IPP: variants seen among roughly 807,000 people sequenced by gnomAD.
IPP encodes actin-binding protein IPP.
In IPP, 41 loss-of-function variants were observed where a neutral mutation model predicts 64.1. The observed-to-expected ratio is 0.64, with a 90% CI of 0.50 to 0.83. IPP has a LOEUF of 0.83. Ranked by LOEUF, IPP falls within the 40% of genes least tolerant of loss-of-function variation. The pLI, the probability that IPP is intolerant of heterozygous loss-of-function variation, is 0.00. For synonymous variants in IPP, 214 were observed against 235.2 expected, an observed-to-expected ratio of 0.91 and a Z score of 0.83; for missense variants, 649 against 703.0, an observed-to-expected ratio of 0.92 and a Z score of 0.87.
chr1:45,694,768 G>A, downstream of IPP: 10 of 323,168 alleles, frequency 3.1e-5, no homozygotes, highest in East Asian at 5.8e-5. Flanking sequence ...CATAATAGCT[G>A]GTCAAAATGA....
In IPP at chr1:45,746,246, C is replaced by A; in HGVS notation, c.166G>T (p.Ala56Ser). The A allele has an allele frequency of 6.2e-7, 1 of 1,614,176 alleles. No individual in the cohort carries two copies. The highest frequency in any genetic ancestry group is 8.5e-7 in the Non-Finnish European group (1 of 1,180,030). ...ESFKAHRLVL[A>S]ASSPYFAALF... ...GCTGCAAAGTAAGGACTGCTGGCAG[C>A]CAAAACCAGCCGATGAGCTTTAAAA... The change falls in exon 2 of 9, where the codon GCT (alanine) becomes TCT (serine). Residue 56 changes from alanine (A) to serine (S), a missense_variant. By Grantham distance (99) the Ala-to-Ser change is moderately conservative. Transcript: ENST00000396478.
At chr1:45,695,221 G>C (rs1262521192), downstream of IPP, among the ~76,000 whole-genome samples, 1 of 152,204 alleles carries the variant, frequency 6.6e-6, no homozygotes. Context: ...CCAGAGTGTA[G>C]TGGTGTGGTC....
intron 3 of IPP, among the ~76,000 whole-genome samples, chr1:45,735,466 CTTTTTTTTTTTTT>C (rs756979985): frequency 5.2e-5 from 3 of 57,950 alleles, no homozygotes. Flanking sequence ...TTTAATTTTG[CTTTTTTTTTTTTT>C]TTTTTTTTTT....
intron 8 of IPP, among the ~76,000 whole-genome samples, chr1:45,711,350 A>C (rs1645588622): frequency 6.6e-6 from 1 of 152,098 alleles, no homozygotes; most frequent in Non-Finnish European, 1.5e-5. Context: ...CAAAACAAAA[A>C]ACAAAAAAAA....
chr1:45,749,483 CTTGA>C (rs1646186602), intron 1 of IPP, among the ~76,000 whole-genome samples: 1 of 149,934 alleles, frequency 6.7e-6, no homozygotes, highest in South Asian at 2.1e-4. Flanking sequence ...GGGAGGATCG[CTTGA>C]TTTTTTGTTT....
chr1:45,744,629 A>C (rs1646110541), intron 2 of IPP, among the ~76,000 whole-genome samples: 1 of 152,128 alleles, frequency 6.6e-6, no homozygotes, highest in African/African-American at 2.4e-5. Context: ...TCACGAAGTC[A>C]AGAGATCGAG....
At chr1:45,747,957 G>C (rs1294554068) in intron 1 of IPP, among the ~76,000 whole-genome samples, 1 of 151,514 alleles carries the variant, frequency 6.6e-6, no homozygotes, top group Non-Finnish European at 1.5e-5. Flanking sequence ...AATGACAATG[G>C]GTAATAAGAC....
rs1230585659 is a variant in IPP at position 45,713,334 on chromosome 1, G to A, written c.1530+912C>T. On this transcript the variant is annotated intron_variant, in intron 8 of 8. Coordinates refer to ENST00000396478, the MANE Select transcript of IPP (RefSeq NM_005897.3). ...CCAGCACTTTGGGAGGCTGAGGCGG[G>A]CGGATCACCTGAGGTAGGGAGTTCG... 3.3e-5 allele frequency among the ~76,000 whole-genome samples: 5 copies of A among 152,252 alleles called. No homozygotes were observed. In the South Asian group the frequency reaches 1.0e-3, roughly 32 times the overall value.
intron 8 of IPP, among the ~76,000 whole-genome samples, chr1:45,709,062 A>G (rs376835392): frequency 2.0e-3 from 298 of 150,432 alleles, no homozygotes; most frequent in African/African-American, 6.9e-3. Context: ...AAGGAGAAAA[A>G]AAAGACAGTT....
intron 3 of IPP, among the ~76,000 whole-genome samples, chr1:45,739,409 C>CTT (rs531027721): frequency 3.4e-4 from 31 of 90,578 alleles, no homozygotes; most frequent in Middle Eastern, 7.2e-3. Context: ...AATTTTTTGC[C>CTT]TTTTTTTTTT....
At position 45,746,460 on chromosome 1, in the gene IPP, C is replaced by T. The variant is rs754288669; in HGVS notation, c.-49G>A. On this transcript the variant is annotated splice_region_variant and 5_prime_UTR_variant, in exon 2 of 9. Transcript: ENST00000396478. ...GACTGTTGCCCATAATCTGTTACTA[C>T]CCTGAAAAACAAAATACAAAGAGAT... 4 of 1,442,702 alleles carry T rather than the reference C, an allele frequency of 2.8e-6. No homozygotes were observed. The highest frequency in any genetic ancestry group is 3.8e-6 in the Non-Finnish European group (4 of 1,052,994). 89.4% of individuals were successfully genotyped at this position (1,442,702 alleles called of 1,614,324 possible). A position where few individuals can be genotyped will look rare whatever the true frequency, so the allele number is the denominator to read the frequency against.
intron 1 of IPP, among the ~76,000 whole-genome samples, chr1:45,747,130 G>A (rs916723568): frequency 6.6e-6 from 1 of 151,786 alleles, no homozygotes; most frequent in African/African-American, 2.4e-5. Context: ...GCGCGCGCGC[G>A]CGCTTCAGAG....
chr1:45,737,505 G>A (rs972462007), intron 3 of IPP, among the ~76,000 whole-genome samples: 11 of 144,630 alleles, frequency 7.6e-5, no homozygotes, highest in Non-Finnish European at 1.3e-4. Context: ...CTGCCACCCA[G>A]GCTAGAGTAC....
In IPP at chr1:45,714,334, G is replaced by A; in HGVS notation, c.1442C>T (p.Ala481Val). The A allele has an allele frequency of 1.2e-6, 2 of 1,613,818 alleles. No homozygotes were observed. The highest frequency in any genetic ancestry group is 1.7e-6 in the Non-Finnish European group (2 of 1,179,696). ...MGTRRAYLGV[A>V]ALNDCIYSVG... ...AGAATAGATGCAGTCATTGAGTGCA[G>A]CCACACCAAGATATGCTCTCCTGGT... is the stretch of plus-strand genomic sequence containing the variant. The change falls in exon 8 of 9, where the codon GCT (alanine) becomes GTT (valine). Residue 481 changes from alanine to valine, a missense_variant. Transcript: ENST00000396478.
chr1:45,729,895 T>C (rs1645883357), intron 3 of IPP, 126 bp from the exon 4 acceptor site: 1 of 612,750 alleles, frequency 1.6e-6, no homozygotes, highest in Non-Finnish European at 2.8e-6. Flanking sequence ...AACAATGGTG[T>C]TTGTTTCCTA....
chr1:45,707,190 G>A lies in IPP; in HGVS notation c.1531-7000C>T, dbSNP rs375934597. Among the ~76,000 whole-genome samples, 484 of 152,298 alleles carry A rather than the reference G, an allele frequency of 3.2e-3. 18 individuals are homozygous for A. In the South Asian group the frequency reaches 0.072, roughly 23 times the overall value. ...TGTAATCCCAGCACTTTCGGAGGCC[G>A]AGGCGGGTGGATCATGAGGTCAGGA... On this transcript the variant is annotated intron_variant, in intron 8 of 8. Coordinates refer to ENST00000396478, the MANE Select transcript of IPP (RefSeq NM_005897.3).
At chr1:45,746,046 A>C (rs1174131856) in intron 2 of IPP, 74 bp downstream of exon 2, 1 of 1,282,892 alleles carries the variant, frequency 7.8e-7, no homozygotes, top group African/African-American at 1.5e-5. Context: ...AAGTTAGATC[A>C]ATTTATATTT....
intron 8 of IPP, among the ~76,000 whole-genome samples, chr1:45,713,749 C>T (rs1249394725): frequency 3.9e-5 from 6 of 152,094 alleles, no homozygotes; most frequent in Admixed American, 1.3e-4. Flanking sequence ...ATTTATTATA[C>T]AGTCTCACTA....
rs189513618 is a variant in IPP at position 45,699,856 on chromosome 1, T to C, written c.*110A>G. The C allele has an allele frequency of 4.6e-5, 69 of 1,511,550 alleles. No individual in the cohort carries two copies. The East Asian group carries it at 1.5e-3, about 33-fold the overall frequency. The allele number at this position is 1,511,550 out of a possible 1,614,324, so 93.6% of individuals were successfully genotyped here. A position where few individuals can be genotyped will look rare whatever the true frequency, so the allele number is the denominator to read the frequency against. On this transcript the variant is annotated 3_prime_UTR_variant, in exon 9 of 9. Coordinates refer to ENST00000396478, the MANE Select transcript of IPP (RefSeq NM_005897.3). ...GTTAGTCATTTATCTACCAAATACATGGAAAACTCACAGAATCAGAGGGTC... is the reference window on the plus strand; with the variant it reads ...GTTAGTCATTTATCTACCAAATACACGGAAAACTCACAGAATCAGAGGGTC...
Sources: gnomAD v4.1 joint callset for allele counts (sites outside exome capture counted in the v4.1 genomes callset) on GRCh38, gnomAD v4.1.1 for gene constraint, MANE v1.5 for transcripts, NCBI Gene and HGNC (gene_info 2026-07-23, HGNC 2026-07-21) for gene names.